PXDNL: variants seen among roughly 807,000 people sequenced by gnomAD.
PXDNL encodes the protein peroxidasin like, also known as probable oxidoreductase PXDNL.
In PXDNL, 145 loss-of-function variants were observed where a neutral mutation model predicts 150.8. The observed-to-expected ratio is 0.96, with a 90% CI of 0.84 to 1.10. The LOEUF is 1.10. Among genes scored for constraint, PXDNL ranks in the 50% least tolerant of loss-of-function variants. PXDNL has a pLI of 0.00. For missense variants in PXDNL, 2,087 were observed against 1,873.9 expected (o/e 1.11, Z -2.10); for synonymous variants, 757 against 725.7 (o/e 1.04, Z -0.69).
At chr8:51,608,055 AAGCAAGC>A (rs1813895078) in intron 2 of PXDNL, among the ~76,000 whole-genome samples, 1 of 98,592 alleles carries the variant, frequency 1.0e-5, no homozygotes, top group South Asian at 3.1e-4. Context: ...GAAAGAAAGA[AAGCAAGC>A]AAGCAAGCAA....
chr8:51,529,898 G>T (rs1811856493), intron 4 of PXDNL, among the ~76,000 whole-genome samples: 1 of 152,198 alleles, frequency 6.6e-6, no homozygotes, highest in South Asian at 2.1e-4. Context: ...AAGTGTAGCA[G>T]CATCCCTGGC....
At chr8:51,656,542 T>C (rs568646898) in intron 1 of PXDNL, among the ~76,000 whole-genome samples, 168 of 152,304 alleles carry the variant, frequency 1.1e-3, no homozygotes, top group African/African-American at 3.8e-3. Flanking sequence ...TTAACAGTTA[T>C]AGAAAGGGCT....
At chr8:51,449,598 G>T (rs541384399) in intron 10 of PXDNL, among the ~76,000 whole-genome samples, 120 of 152,274 alleles carry the variant, frequency 7.9e-4, no homozygotes, top group Non-Finnish European at 1.6e-3. Context: ...TTTTGAAAAA[G>T]TCATATTTAT....
chr8:51,431,193 T>C (rs1326225191), intron 12 of PXDNL, among the ~76,000 whole-genome samples: 3 of 152,196 alleles, frequency 2.0e-5, no homozygotes, highest in African/African-American at 7.2e-5. Context: ...TCTTGCCACC[T>C]GAGTGATCTT....
chr8:51,618,721 A>C (rs900299273), intron 2 of PXDNL, among the ~76,000 whole-genome samples: 2 of 152,162 alleles, frequency 1.3e-5, no homozygotes, highest in African/African-American at 4.8e-5. Flanking sequence ...TGTGCTCTGC[A>C]CTCATGCAGA....
At position 51,644,143 on chromosome 8, in the gene PXDNL, C is replaced by T. The variant is rs753643459; in HGVS notation, c.236+10546G>A. ...CCTGGGCAACAGCGTGAGACTCCAT[C>T]TCAAAAAAATAAATAAATAAATAAA... On this transcript the variant is annotated intron_variant, in intron 2 of 22. Transcript: ENST00000356297. Among the ~76,000 whole-genome samples, 76 of 150,288 alleles carry T rather than the reference C, an allele frequency of 5.1e-4. 1 individual carries two copies. The highest frequency in any genetic ancestry group is 1.2e-3 in the African/African-American group (49 of 41,040).
intron 4 of PXDNL, among the ~76,000 whole-genome samples, chr8:51,553,103 G>A (rs182892396): frequency 1.2e-4 from 18 of 152,330 alleles, no homozygotes; most frequent in East Asian, 5.8e-4. Flanking sequence ...TAAGGCTCTC[G>A]AATTATCTTC....
intron 1 of PXDNL, among the ~76,000 whole-genome samples, chr8:51,661,106 T>C (rs1300682399): frequency 6.6e-6 from 1 of 152,196 alleles, no homozygotes; most frequent in Non-Finnish European, 1.5e-5. Context: ...TTGACAGCCC[T>C]GTCATTGTAG....
chr8:51,564,365 T>C (rs1463708616), intron 3 of PXDNL, among the ~76,000 whole-genome samples: 1 of 151,964 alleles, frequency 6.6e-6, no homozygotes, highest in Non-Finnish European at 1.5e-5. Context: ...GAATTTATTT[T>C]ATTTCCAACT....
intron 1 of PXDNL, among the ~76,000 whole-genome samples, chr8:51,800,980 G>C (rs1379332063): frequency 1.3e-5 from 2 of 152,190 alleles, no homozygotes; most frequent in East Asian, 1.9e-4. Flanking sequence ...TAGGGAACAA[G>C]GGAAGACAAC....
intron 1 of PXDNL, among the ~76,000 whole-genome samples, chr8:51,684,508 T>G (rs1174141157): frequency 1.3e-5 from 2 of 152,218 alleles, no homozygotes; most frequent in East Asian, 3.8e-4. Context: ...GCTTGTATAA[T>G]TCTCTTCCAT....
Position 51,320,807 on chromosome 8 carries a change from C to CTT in PXDNL, c.4235_4236dup (p.Asp1413LysfsTer31), listed in dbSNP as rs751704591. ...ACCTCACAAATGCAGTGAGTGCAGTCTTCTTTCATCCAGCGCTCCTCGGCC... is the reference window on the plus strand; with the variant it reads ...ACCTCACAAATGCAGTGAGTGCAGTCTTTTCTTTCATCCAGCGCTCCTCGGCC... On this transcript the variant is annotated frameshift_variant, in exon 22 of 23. Transcript: ENST00000356297. LOFTEE classifies it low-confidence loss of function (END_TRUNC). 6.2e-7 allele frequency: 1 copy of CTT among 1,613,834 alleles called. No individual in the cohort carries two copies. The highest frequency in any genetic ancestry group is 2.2e-5 in the East Asian group (1 of 44,882).
At chr8:51,385,986 G>A (rs1807696924) in intron 17 of PXDNL, among the ~76,000 whole-genome samples, 1 of 152,132 alleles carries the variant, frequency 6.6e-6, no homozygotes, top group South Asian at 2.1e-4. Flanking sequence ...CAAGCAGCAT[G>A]AAAATGGACT....
rs977425027 is a variant in PXDNL at position 51,475,547 on chromosome 8, C to T, written c.525-406G>A. 1.1e-4 allele frequency among the ~76,000 whole-genome samples: 17 copies of T among 152,188 alleles called. No homozygotes were observed. In the East Asian group the frequency reaches 3.3e-3, roughly 29 times the overall value. On this transcript the variant is annotated intron_variant, in intron 6 of 22. Transcript: ENST00000356297. Reference sequence around the variant, plus strand: ...GGGAGGCCTAGGCAAAAGGATCACTCGAGGCCAGGAGTTTGAGACCAGCCT... The same window carrying T: ...GGGAGGCCTAGGCAAAAGGATCACTTGAGGCCAGGAGTTTGAGACCAGCCT...
intron 2 of PXDNL, among the ~76,000 whole-genome samples, chr8:51,616,829 A>T (rs917849803): frequency 2.6e-5 from 4 of 152,166 alleles, no homozygotes; most frequent in African/African-American, 7.2e-5. Flanking sequence ...CAAATTTGAA[A>T]CCCACAGATG....
At chr8:51,554,708 A>G (rs776177123) in intron 4 of PXDNL, among the ~76,000 whole-genome samples, 3 of 152,198 alleles carry the variant, frequency 2.0e-5, no homozygotes, top group Non-Finnish European at 2.9e-5. Context: ...TTGCCACGTT[A>G]GAAAATAATG....
rs542513827 is a variant in PXDNL, at chr8:51,744,210, A to G, written c.164+64971T>C. On this transcript the variant is annotated intron_variant, in intron 1 of 22. Transcript: ENST00000356297. ...AAAGAGAGAAAGAAAAAAGAAAAGA[A>G]AGGAAGGAAGGGAAGAAGAGAAAGA... is the stretch of plus-strand genomic sequence containing the variant. Among the ~76,000 whole-genome samples the G allele has an allele frequency of 1.1e-4, 16 of 150,522 alleles. No individual in the cohort carries two copies. In the East Asian group the frequency reaches 3.0e-3, roughly 28 times the overall value.
At chr8:51,700,315 A>G (rs1816228537) in intron 1 of PXDNL, among the ~76,000 whole-genome samples, 1 of 152,028 alleles carries the variant, frequency 6.6e-6, no homozygotes, top group African/African-American at 2.4e-5. Flanking sequence ...ATACACACAT[A>G]CAAAAATAAA....
intron 1 of PXDNL, among the ~76,000 whole-genome samples, chr8:51,693,762 C>T (rs1816053452): frequency 6.6e-6 from 1 of 152,062 alleles, no homozygotes; most frequent in Non-Finnish European, 1.5e-5. Context: ...AGAGCAAGAC[C>T]CTGTCTCAAA....
Sources: gnomAD v4.1 joint callset for allele counts (sites outside exome capture counted in the v4.1 genomes callset) on GRCh38, gnomAD v4.1.1 for gene constraint, MANE v1.5 for transcripts, NCBI Gene and HGNC (gene_info 2026-07-23, HGNC 2026-07-21) for gene names.